Variants in UHRF1 observed in about 807,000 individuals in gnomAD.
UHRF1 encodes E3 ubiquitin-protein ligase UHRF1.
In UHRF1, 9 loss-of-function variants were observed where a neutral mutation model predicts 96.5. That is an observed-to-expected ratio of 0.09 (90% confidence interval 0.06 to 0.16). UHRF1 has a LOEUF of 0.16. Among genes scored for constraint, UHRF1 ranks in the 10% least tolerant of loss-of-function variants. UHRF1 has a pLI of 1.00. For synonymous variants in UHRF1, 455 were observed against 469.9 expected, an observed-to-expected ratio of 0.97 and a Z score of 0.41; for missense variants, 626 against 1,131.1, an observed-to-expected ratio of 0.55 and a Z score of 6.40.
At position 4,942,251 on chromosome 19, in the gene UHRF1, C is replaced by T. The variant is rs568815255; in HGVS notation, c.1073+320C>T. ...TGTCTCCCAGGCTGGAGTGCAGTGGCGCGATCTCAGCTCACTGCAAGCTCC... is the reference window on the plus strand; with the variant it reads ...TGTCTCCCAGGCTGGAGTGCAGTGGTGCGATCTCAGCTCACTGCAAGCTCC... On this transcript the variant is annotated intron_variant, in intron 7 of 16. Coordinates refer to ENST00000650932, the MANE Select transcript of UHRF1 (RefSeq NM_001048201.3). Among the ~76,000 whole-genome samples, 10 of 151,724 alleles carry T rather than the reference C, an allele frequency of 6.6e-5. No homozygotes were observed. In the East Asian group the frequency reaches 1.4e-3, roughly 21 times the overall value.
intron 2 of UHRF1, among the ~76,000 whole-genome samples, chr19:4,913,025 G>T (rs907306765): frequency 2.4e-4 from 37 of 152,084 alleles, no homozygotes; most frequent in African/African-American, 8.2e-4. Flanking sequence ...AAGTTTTGGG[G>T]TTACAGGCGT....
intron 5 of UHRF1, among the ~76,000 whole-genome samples, chr19:4,937,288 G>C (rs1056298891): frequency 2.2e-5 from 3 of 138,118 alleles, no homozygotes; most frequent in African/African-American, 8.5e-5. Context: ...GGTATAGATG[G>C]GCCACTTTTT....
intron 5 of UHRF1, among the ~76,000 whole-genome samples, chr19:4,933,680 CAT>C (rs2033129104): frequency 1.3e-5 from 2 of 152,184 alleles, no homozygotes; most frequent in African/African-American, 4.8e-5. Flanking sequence ...TTTCCAGGGA[CAT>C]TCTGTTCATA....
At chr19:4,946,290 A>C (rs1238467120) in intron 10 of UHRF1, among the ~76,000 whole-genome samples, 1 of 151,846 alleles carries the variant, frequency 6.6e-6, no homozygotes, top group Non-Finnish European at 1.5e-5. Context: ...GCGTCCTTGC[A>C]TGCCTGGCTC....
chr19:4,926,093 A>G (rs2032861891), intron 2 of UHRF1, among the ~76,000 whole-genome samples: 1 of 151,190 alleles, frequency 6.6e-6, no homozygotes, highest in Non-Finnish European at 1.5e-5. Flanking sequence ...GACAGGTTTC[A>G]CCATGTTGGC....
At chr19:4,944,036 G>A (rs1025432991) in intron 7 of UHRF1, 96 bp from the exon 8 acceptor site, 21 of 1,546,500 alleles carry the variant, frequency 1.4e-5, no homozygotes, top group East Asian at 7.0e-5. Flanking sequence ...GGTGCCAGGC[G>A]GGGAGAGCCA....
At chr19:4,956,916 T>C in intron 16 of UHRF1, 103 bp downstream of exon 16, 1 of 831,214 alleles carries the variant, frequency 1.2e-6, no homozygotes, top group Non-Finnish European at 2.0e-6. Context: ...TTGTTGGCTT[T>C]GCTCCGCTCA....
chr19:4,948,219 T>C (rs768819624), intron 11 of UHRF1, among the ~76,000 whole-genome samples: 2 of 151,482 alleles, frequency 1.3e-5, no homozygotes, highest in African/African-American at 2.4e-5. Flanking sequence ...CCATAGACCA[T>C]ATGTAAGTGA....
At chr19:4,924,188 C>T (rs920811161) in intron 2 of UHRF1, among the ~76,000 whole-genome samples, 3 of 152,060 alleles carry the variant, frequency 2.0e-5, no homozygotes, top group Non-Finnish European at 4.4e-5. Context: ...CTCGCTCTGT[C>T]GCCCAGGCTG....
intron 2 of UHRF1, among the ~76,000 whole-genome samples, chr19:4,927,756 C>T (rs1439829175): frequency 2.0e-5 from 3 of 152,038 alleles, no homozygotes; most frequent in Non-Finnish European, 4.4e-5. Context: ...GTGCCCAGCA[C>T]GGCCCCACGG....
intron 15 of UHRF1, among the ~76,000 whole-genome samples, chr19:4,955,129 T>TTCTGTC (rs1170612976): frequency 6.6e-6 from 1 of 151,578 alleles, no homozygotes; most frequent in Non-Finnish European, 1.5e-5. Context: ...CCATCCTACC[T>TTCTGTC]TCTGTCTCTG....
At chr19:4,926,486 A>G (rs573469383) in intron 2 of UHRF1, among the ~76,000 whole-genome samples, 1 of 152,196 alleles carries the variant, frequency 6.6e-6, no homozygotes, top group Non-Finnish European at 1.5e-5. Context: ...CAGCCCTTGA[A>G]ACCCTTGTAG....
intron 13 of UHRF1, among the ~76,000 whole-genome samples, chr19:4,951,467 C>CT (rs1411105188): frequency 1.3e-5 from 2 of 152,100 alleles, no homozygotes; most frequent in Non-Finnish European, 2.9e-5. Context: ...CCTGGTTTCT[C>CT]TCTGATCCAG....
At chr19:4,927,251 A>G (rs1433014377) in intron 2 of UHRF1, among the ~76,000 whole-genome samples, 2 of 151,562 alleles carry the variant, frequency 1.3e-5, no homozygotes, top group Non-Finnish European at 2.9e-5. Context: ...GTGATGGCTC[A>G]TGCCTATAGT....
intron 7 of UHRF1, 108 bp from the exon 8 acceptor site, chr19:4,944,024 G>C: frequency 6.6e-7 from 1 of 1,516,708 alleles, no homozygotes; most frequent in South Asian, 1.3e-5. Context: ...CAGGATGGTA[G>C]TGGTGCCAGG....
chr19:4,950,641 C>G lies in UHRF1; in HGVS notation c.1548C>G (p.Ile516Met). 1.2e-6 allele frequency: 2 copies of G among 1,612,754 alleles called. No homozygotes were observed. Among genetic ancestry groups the G allele is most frequent in the Non-Finnish European group, 1.7e-6 (2 of 1,179,698 alleles). ...RALALNCFAP[I>M]NDQEGAEAKD... ...TGGCTCTCAACTGCTTTGCTCCCAT[C>G]AATGACCAAGAAGGGGCCGAGGCCA... The change falls in exon 12 of 17, where the codon ATC becomes ATG. Residue 516 changes from isoleucine to methionine, a missense_variant. By Grantham distance (10) the Ile-to-Met change is conservative. Coordinates refer to ENST00000650932, the MANE Select transcript of UHRF1 (RefSeq NM_001048201.3).
chr19:4,939,940 C>T (rs1365356446), intron 5 of UHRF1, among the ~76,000 whole-genome samples: 1 of 149,932 alleles, frequency 6.7e-6, no homozygotes, highest in East Asian at 2.0e-4. Context: ...AGGAGAGTGG[C>T]GTGAACCCGG....
At chr19:4,913,470 G>A (rs1568406157) in intron 2 of UHRF1, among the ~76,000 whole-genome samples, 1 of 152,006 alleles carries the variant, frequency 6.6e-6, no homozygotes, top group Non-Finnish European at 1.5e-5. Context: ...GGCCAGGCTG[G>A]TCTTGAACTC....
chr19:4,908,989 A>C (rs1429166804), upstream of UHRF1, among the ~76,000 whole-genome samples: 1 of 152,094 alleles, frequency 6.6e-6, no homozygotes, highest in Non-Finnish European at 1.5e-5. Context: ...AAAGACAGCA[A>C]ACAAGCCCTG....
Sources: allele counts gnomAD v4.1 joint callset (sites outside exome capture counted in the v4.1 genomes callset), GRCh38; gene constraint gnomAD v4.1.1; transcripts MANE v1.5; gene names NCBI Gene and HGNC (gene_info 2026-07-23, HGNC 2026-07-21).